The following ZNF469 variants were observed in gnomAD, a reference collection of about 807,000 sequenced individuals.
ZNF469 encodes the protein zinc finger protein 469.
ZNF469 carries 1 observed loss-of-function variant against 1.0 expected under a neutral mutation model. The ratio of observed to expected loss-of-function variants is 1.00; its 90% confidence interval spans 0.35 to 4.73. The LOEUF is 4.73. Ranked by LOEUF, ZNF469 falls within the 30% of genes most tolerant of loss-of-function variation. The probability of loss-of-function intolerance (pLI) is 0.16; values close to 1 mark genes in which losing one functional copy is unlikely to be tolerated. For missense variants in ZNF469, 6,100 were observed against 5,356.3 expected, an observed-to-expected ratio of 1.14 and a Z score of -4.33; for synonymous variants, 2,703 against 2,363.4, an observed-to-expected ratio of 1.14 and a Z score of -4.17.
chr16:88,277,200 A>G, the ZNF469 span, among the ~76,000 whole-genome samples: 1 of 147,690 alleles, frequency 6.8e-6, no homozygotes, highest in Admixed American at 6.7e-5. Flanking sequence ...TACCGTGTAG[A>G]TATCAGTGCA....
In ZNF469 at chr16:88,429,422, C is replaced by T. The variant is rs1281820720; in HGVS notation, c.1952C>T (p.Pro651Leu). The T allele has an allele frequency of 5.2e-6, 8 of 1,545,382 alleles. No individual in the cohort carries two copies. The highest frequency in any genetic ancestry group is 2.4e-5 in the East Asian group (1 of 40,882). ...GAGACGGGCAGCCCCTTCCCGTCCC[C>T]GGAGCCCCCCCACTCCCTCCCCACC... ...PQETGSPFPSPEPPHSLPTHY... is the reference protein window; with the variant it reads ...PQETGSPFPSLEPPHSLPTHY... The change falls in exon 3 of 3, where the codon CCG (proline) becomes CTG (leucine). Residue 651 changes from proline (P) to leucine (L), a missense_variant. Coordinates refer to ENST00000565624, the MANE Select transcript of ZNF469 (RefSeq NM_001367624.2).
the ZNF469 span, among the ~76,000 whole-genome samples, chr16:88,144,226 G>T: frequency 3.3e-5 from 5 of 152,214 alleles, no homozygotes; most frequent in African/African-American, 1.2e-4. Context: ...AGGGCGGGGG[G>T]CGTCTCTCTG....
the ZNF469 span, among the ~76,000 whole-genome samples, chr16:88,237,917 A>G: frequency 6.6e-6 from 1 of 152,168 alleles, no homozygotes; most frequent in East Asian, 1.9e-4. Context: ...AGTTGGAATC[A>G]CACAGTATCC....
At chr16:88,180,445 C>T in the ZNF469 span, among the ~76,000 whole-genome samples, 3 of 152,128 alleles carry the variant, frequency 2.0e-5, no homozygotes, top group African/African-American at 7.2e-5. Flanking sequence ...AGGAATATTA[C>T]CAGAGATGAA....
chr16:88,135,683 G>C, the ZNF469 span, among the ~76,000 whole-genome samples: 3 of 150,720 alleles, frequency 2.0e-5, no homozygotes, highest in African/African-American at 7.3e-5. Flanking sequence ...CAGCGGCTTG[G>C]TGCTGGGACC....
the ZNF469 span, among the ~76,000 whole-genome samples, chr16:88,272,883 T>C: frequency 6.9e-6 from 1 of 144,972 alleles, no homozygotes; most frequent in African/African-American, 2.6e-5. Flanking sequence ...GGTGTGTGGA[T>C]AGACGAGTGG....
At chr16:88,123,286 T>C in the ZNF469 span, among the ~76,000 whole-genome samples, 1 of 152,172 alleles carries the variant, frequency 6.6e-6, no homozygotes, top group Non-Finnish European at 1.5e-5. Context: ...GTCTGTTCTT[T>C]CACCCAGCGG....
At chr16:88,300,923 A>G in the ZNF469 span, among the ~76,000 whole-genome samples, 6 of 151,880 alleles carry the variant, frequency 4.0e-5, no homozygotes, top group African/African-American at 1.4e-4. Flanking sequence ...AAATTAGCCA[A>G]TCGTGGGGGC....
intron 1 of ZNF469, among the ~76,000 whole-genome samples, chr16:88,414,432 G>T (rs1039547918): frequency 1.3e-5 from 2 of 152,264 alleles, no homozygotes; most frequent in Non-Finnish European, 2.9e-5. Flanking sequence ...GAGCCCTGGG[G>T]ACCGCAGACT....
the ZNF469 span, among the ~76,000 whole-genome samples, chr16:88,199,633 C>T: frequency 6.6e-6 from 1 of 152,250 alleles, no homozygotes; most frequent in South Asian, 2.1e-4. Context: ...ACATATTTTA[C>T]AGTTACTGGG....
chr16:88,355,073 C>T, the ZNF469 span, among the ~76,000 whole-genome samples: 6 of 145,122 alleles, frequency 4.1e-5, no homozygotes, highest in East Asian at 7.0e-4. Context: ...CCACAGACCT[C>T]GGGCCTGGGG....
At chr16:88,322,261 C>T in the ZNF469 span, among the ~76,000 whole-genome samples, 2 of 152,218 alleles carry the variant, frequency 1.3e-5, no homozygotes, top group African/African-American at 2.4e-5. Context: ...CCCAGGAAAT[C>T]GGAGGCCAGG....
intron 1 of ZNF469, among the ~76,000 whole-genome samples, chr16:88,411,868 G>A (rs938459034): frequency 6.6e-6 from 1 of 151,480 alleles, no homozygotes; most frequent in African/African-American, 2.4e-5. Flanking sequence ...GTCCCCTTCT[G>A]CCCTTCAGCA....
the ZNF469 span, among the ~76,000 whole-genome samples, chr16:88,135,387 CTG>C: frequency 6.6e-5 from 10 of 152,254 alleles, no homozygotes; most frequent in African/African-American, 2.2e-4. Flanking sequence ...CTGGTTGACT[CTG>C]TTGTCAGTGA....
rs1030887497 is a variant in ZNF469 at position 88,440,396 on chromosome 16, C to G, written c.*1064C>G. The G allele has an allele frequency of 6.6e-6, 1 of 152,050 alleles. No individual in the cohort carries two copies. Among genetic ancestry groups the G allele is most frequent in the Non-Finnish European group, 1.5e-5 (1 of 67,994 alleles). The allele number at this position is 152,050 out of a possible 1,614,324, so 9.4% of individuals were successfully genotyped here. On this transcript the variant is annotated 3_prime_UTR_variant, in exon 3 of 3. Transcript: ENST00000565624. ...CCCTGGCCAGGGCACCCTCATGCAC[C>G]GACCCAACCCAGGCCTGGGACGCAC...
the ZNF469 span, among the ~76,000 whole-genome samples, chr16:88,245,421 T>G: frequency 6.6e-6 from 1 of 152,280 alleles, no homozygotes; most frequent in South Asian, 2.1e-4. Flanking sequence ...CTCTCCCTCC[T>G]GGACCGTCCT....
At chr16:88,204,512 C>T in the ZNF469 span, among the ~76,000 whole-genome samples, 11 of 152,330 alleles carry the variant, frequency 7.2e-5, no homozygotes, top group East Asian at 7.7e-4. Flanking sequence ...CGTGGAAAAC[C>T]GTGCAGAGGG....
chr16:88,320,447 G>A, the ZNF469 span, among the ~76,000 whole-genome samples: 2 of 152,146 alleles, frequency 1.3e-5, no homozygotes, highest in Non-Finnish European at 2.9e-5. Flanking sequence ...GCAATGGCAT[G>A]ATGTGAGCTC....
the ZNF469 span, among the ~76,000 whole-genome samples, chr16:88,352,398 AC>A: frequency 1.3e-5 from 2 of 152,198 alleles, no homozygotes; most frequent in African/African-American, 4.8e-5. Context: ...GAAACCAATA[AC>A]AGAGCCAGGG....
Sources: gnomAD v4.1 joint callset for allele counts (sites outside exome capture counted in the v4.1 genomes callset) on GRCh38, gnomAD v4.1.1 for gene constraint, MANE v1.5 for transcripts, NCBI Gene and HGNC (gene_info 2026-07-23, HGNC 2026-07-21) for gene names.